The following PKP4 variants were observed in gnomAD, a reference collection of about 807,000 sequenced individuals.
PKP4 encodes the protein plakophilin-4.
A neutral mutation model predicts 145.1 loss-of-function variants in PKP4; 90 were observed. That is an observed-to-expected ratio of 0.62 (90% CI 0.52 to 0.74). The LOEUF (loss-of-function observed/expected upper bound fraction) is 0.74, where lower values mean the gene tolerates loss of function less well. Among genes scored for constraint, PKP4 ranks in the 30% least tolerant of loss-of-function variants. The pLI, the probability that PKP4 is intolerant of heterozygous loss-of-function variation, is 0.00. For synonymous variants in PKP4, 563 were observed against 577.2 expected (o/e 0.98, Z 0.35); for missense variants, 1,340 against 1,482.7 (o/e 0.90, Z 1.58).
chr2:158,678,456 C>T, intron 20 of PKP4, 125 bp from the exon 21 acceptor site: 1 of 713,108 alleles, frequency 1.4e-6, no homozygotes, highest in South Asian at 1.6e-5. Context: ...TCCCAGCCCG[C>T]ATTGGCACTG....
At chr2:158,676,189 T>A (rs542529893) in intron 19 of PKP4, among the ~76,000 whole-genome samples, 17 of 152,328 alleles carry the variant, frequency 1.1e-4, no homozygotes, top group Admixed American at 9.1e-4. Context: ...AAAAGAATTA[T>A]AAATTTTATA....
chr2:158,562,749 T>C (rs2046646207), intron 2 of PKP4, among the ~76,000 whole-genome samples: 1 of 152,260 alleles, frequency 6.6e-6, no homozygotes, highest in Non-Finnish European at 1.5e-5. Flanking sequence ...TCTTTCAAAC[T>C]ATTTGTTTAT....
intron 3 of PKP4, among the ~76,000 whole-genome samples, chr2:158,598,036 G>A (rs1221037407): frequency 2.6e-5 from 4 of 152,038 alleles, no homozygotes; most frequent in East Asian, 3.9e-4. Flanking sequence ...TTGTTGCCCC[G>A]GCTGGTCTCA....
chr2:158,498,800 G>C (rs1287485072), intron 1 of PKP4, among the ~76,000 whole-genome samples: 1 of 150,398 alleles, frequency 6.6e-6, no homozygotes. Flanking sequence ...GCCTGCATTA[G>C]GTGGGTTGTG....
intron 1 of PKP4, among the ~76,000 whole-genome samples, chr2:158,465,762 C>G (rs1357603926): frequency 6.6e-6 from 1 of 152,160 alleles, no homozygotes; most frequent in Admixed American, 6.5e-5. Flanking sequence ...CACTTACTGT[C>G]ATTTTGTCGA....
intron 2 of PKP4, among the ~76,000 whole-genome samples, chr2:158,565,976 A>G (rs962343534): frequency 6.6e-6 from 1 of 152,186 alleles, no homozygotes; most frequent in Non-Finnish European, 1.5e-5. Context: ...TTCCCAAGGA[A>G]CCATTTAATT....
chr2:158,492,150 C>G (rs1221778297), intron 1 of PKP4, among the ~76,000 whole-genome samples: 4 of 151,770 alleles, frequency 2.6e-5, no homozygotes, highest in African/African-American at 4.8e-5. Flanking sequence ...CAATTTGGCT[C>G]TCTTGCACCT....
chr2:158,541,262 CA>C, intron 2 of PKP4, among the ~76,000 whole-genome samples: 1 of 152,160 alleles, frequency 6.6e-6, no homozygotes, highest in Admixed American at 6.5e-5. Flanking sequence ...TGTTACTTTG[CA>C]AAAATGTGTC....
chr2:158,615,824 G>A (rs1404736660), intron 4 of PKP4, among the ~76,000 whole-genome samples: 2 of 152,204 alleles, frequency 1.3e-5, no homozygotes, highest in East Asian at 3.9e-4. Context: ...CTTCGTTAAT[G>A]GTTTCCATTT....
intron 4 of PKP4, among the ~76,000 whole-genome samples, chr2:158,606,736 A>G (rs1332985835): frequency 2.0e-5 from 3 of 152,180 alleles, no homozygotes; most frequent in Non-Finnish European, 4.4e-5. Flanking sequence ...CTTCAAATTC[A>G]TCTTTAAGAA....
chr2:158,654,651 A>G (rs2528582), intron 11 of PKP4, among the ~76,000 whole-genome samples: 55,726 of 151,900 alleles, frequency 0.37, 11,599 homozygotes, highest in East Asian at 0.57. Flanking sequence ...TTTGGTCTCA[A>G]TGTGAAAGGC....
intron 3 of PKP4, among the ~76,000 whole-genome samples, chr2:158,594,856 C>T (rs905499327): frequency 6.6e-6 from 1 of 152,098 alleles, no homozygotes; most frequent in African/African-American, 2.4e-5. Context: ...AGAGCCCCTC[C>T]GAGGTGGTAG....
intron 6 of PKP4, among the ~76,000 whole-genome samples, chr2:158,623,573 G>A (rs1280829935): frequency 6.6e-6 from 1 of 152,044 alleles, no homozygotes; most frequent in Non-Finnish European, 1.5e-5. Flanking sequence ...TCCTCCCCAT[G>A]TCTTCTCCCC....
At chr2:158,643,592 G>C (rs1402161264) in intron 11 of PKP4, among the ~76,000 whole-genome samples, 1 of 151,778 alleles carries the variant, frequency 6.6e-6, no homozygotes, top group Admixed American at 6.6e-5. Flanking sequence ...CATGCCTGTG[G>C]TTCCAGGTAC....
chr2:158,617,681 T>C (rs2051776345), intron 4 of PKP4, among the ~76,000 whole-genome samples: 2 of 152,348 alleles, frequency 1.3e-5, no homozygotes, highest in South Asian at 4.1e-4. Flanking sequence ...AGAAGATGTG[T>C]CTTCTGTTTA....
At chr2:158,467,155 C>T (rs1442263100) in intron 1 of PKP4, among the ~76,000 whole-genome samples, 1 of 151,974 alleles carries the variant, frequency 6.6e-6, no homozygotes, top group Admixed American at 6.6e-5. Flanking sequence ...TTTGGTTGTC[C>T]CTTTCCCAAC....
intron 4 of PKP4, among the ~76,000 whole-genome samples, chr2:158,610,418 A>G (rs1334404018): frequency 6.6e-6 from 1 of 152,212 alleles, no homozygotes; most frequent in Non-Finnish European, 1.5e-5. Flanking sequence ...ACATACTAGA[A>G]TAATAGGTAA....
chr2:158,541,160 A>T (rs2044492795), intron 2 of PKP4, among the ~76,000 whole-genome samples: 1 of 152,134 alleles, frequency 6.6e-6, no homozygotes, highest in Non-Finnish European at 1.5e-5. Flanking sequence ...TTCAGGTATA[A>T]CCCTAAAGTT....
At chr2:158,591,567 T>C (rs1330483090) in intron 3 of PKP4, among the ~76,000 whole-genome samples, 2 of 152,114 alleles carry the variant, frequency 1.3e-5, no homozygotes, top group Non-Finnish European at 2.9e-5. Context: ...TTTTAAATGT[T>C]GCATAACAGT....
Sources: gnomAD v4.1 joint callset for allele counts (sites outside exome capture counted in the v4.1 genomes callset) on GRCh38, gnomAD v4.1.1 for gene constraint, MANE v1.5 for transcripts, NCBI Gene and HGNC (gene_info 2026-07-23, HGNC 2026-07-21) for gene names.